The following SLC5A4 variants were observed in gnomAD, a reference collection of about 807,000 sequenced individuals.
The protein encoded by SLC5A4 is probable glucose sensor protein SLC5A4.
A neutral mutation model predicts 70.3 loss-of-function variants in SLC5A4; 55 were observed. The ratio of observed to expected loss-of-function variants is 0.78; its 90% CI spans 0.63 to 0.98. The LOEUF is 0.98. Among genes scored for constraint, SLC5A4 ranks in the 50% least tolerant of loss-of-function variants. The pLI, the probability that SLC5A4 is intolerant of heterozygous loss-of-function variation, is 0.00. For synonymous variants in SLC5A4, 268 were observed against 305.7 expected, an observed-to-expected ratio of 0.88 and a Z score of 1.29; for missense variants, 735 against 839.2, an observed-to-expected ratio of 0.88 and a Z score of 1.53.
the SLC5A4 span, among the ~76,000 whole-genome samples, chr22:32,312,780 G>T: frequency 6.6e-6 from 1 of 152,000 alleles, no homozygotes; most frequent in Admixed American, 6.6e-5. Context: ...GGGTATTTCA[G>T]ATCTCATCTC....
chr22:32,307,573 G>A, the SLC5A4 span, among the ~76,000 whole-genome samples: 1 of 152,298 alleles, frequency 6.6e-6, no homozygotes, highest in Admixed American at 6.5e-5. Context: ...GGGTTTTCTA[G>A]GAGGATCCTG....
chr22:32,273,015 C>A, the SLC5A4 span: 1 of 541,646 alleles, frequency 1.8e-6, no homozygotes. Context: ...TACCTGAGCA[C>A]CATGGAGCAG....
At chr22:32,279,974 G>A in the SLC5A4 span, among the ~76,000 whole-genome samples, 1 of 152,160 alleles carries the variant, frequency 6.6e-6, no homozygotes, top group African/African-American at 2.4e-5. Context: ...CATGCCCTGC[G>A]ACCAAGTGCC....
chr22:32,223,906 T>C (rs959407955), intron 13 of SLC5A4, among the ~76,000 whole-genome samples: 17 of 152,154 alleles, frequency 1.1e-4, no homozygotes, highest in African/African-American at 3.6e-4. Flanking sequence ...CATACATGCA[T>C]ACAATAAAAG....
the SLC5A4 span, among the ~76,000 whole-genome samples, chr22:32,283,008 C>T: frequency 1.3e-5 from 2 of 152,228 alleles, no homozygotes; most frequent in African/African-American, 4.8e-5. Flanking sequence ...TGCTCCTCTG[C>T]TCAAACCTTG....
At chr22:32,218,941 A>G (rs887421029) in intron 14 of SLC5A4, among the ~76,000 whole-genome samples, 1 of 152,220 alleles carries the variant, frequency 6.6e-6, no homozygotes, top group Non-Finnish European at 1.5e-5. Context: ...ACAAATGACA[A>G]AATGGGGGAA....
the SLC5A4 span, among the ~76,000 whole-genome samples, chr22:32,326,060 C>T: frequency 6.6e-6 from 1 of 152,338 alleles, no homozygotes; most frequent in African/African-American, 2.4e-5. Context: ...TAACAGAGCA[C>T]CTGGCAATTT....
At chr22:32,331,598 G>T in the SLC5A4 span, among the ~76,000 whole-genome samples, 2 of 152,152 alleles carry the variant, frequency 1.3e-5, no homozygotes, top group African/African-American at 2.4e-5. Context: ...GTGGGGTGGA[G>T]ATGACAAAGC....
the SLC5A4 span, among the ~76,000 whole-genome samples, chr22:32,330,795 G>A: frequency 4.4e-5 from 2 of 45,656 alleles, no homozygotes; most frequent in African/African-American, 8.8e-5. Context: ...GTGTGTGTTG[G>A]GGGCTCTGGT....
the SLC5A4 span, among the ~76,000 whole-genome samples, chr22:32,340,469 AGAG>A: frequency 1.3e-5 from 2 of 152,232 alleles, no homozygotes; most frequent in Non-Finnish European, 2.9e-5. Context: ...TCCATCCAGC[AGAG>A]GAGACAGGCA....
chr22:32,307,858 G>A, the SLC5A4 span, among the ~76,000 whole-genome samples: 3 of 152,172 alleles, frequency 2.0e-5, no homozygotes, highest in Non-Finnish European at 4.4e-5. Flanking sequence ...ATGCTGTGGG[G>A]ACCAGGCAGA....
chr22:32,238,492 C>G (rs1231194038), intron 6 of SLC5A4, among the ~76,000 whole-genome samples: 7 of 152,128 alleles, frequency 4.6e-5, no homozygotes, highest in African/African-American at 7.2e-5. Context: ...ATCAACATAC[C>G]TGGTTCATGA....
At chr22:32,319,729 G>A in the SLC5A4 span, among the ~76,000 whole-genome samples, 11 of 152,150 alleles carry the variant, frequency 7.2e-5, no homozygotes, top group Non-Finnish European at 1.2e-4. Context: ...CCTTTTTAGT[G>A]AGCCCTTGGC....
chr22:32,237,471 T>C (rs1926131429), intron 6 of SLC5A4, 147 bp from the exon 7 acceptor site: 4 of 583,572 alleles, frequency 6.9e-6, no homozygotes, highest in South Asian at 4.3e-5. Context: ...AAGCTTGTCC[T>C]GGCATCATGA....
the SLC5A4 span, among the ~76,000 whole-genome samples, chr22:32,290,162 G>A: frequency 2.6e-5 from 4 of 152,196 alleles, no homozygotes; most frequent in East Asian, 1.9e-4. Context: ...CACATGTGCC[G>A]TGGTGGTTTG....
At chr22:32,324,667 C>T in the SLC5A4 span, among the ~76,000 whole-genome samples, 4,586 of 152,296 alleles carry the variant, frequency 0.03, 73 homozygotes, top group African/African-American at 0.042. Flanking sequence ...GAGATGTCCA[C>T]GGCCTCAGTG....
chr22:32,251,742 G>T (rs371570985), intron 3 of SLC5A4, 28 bp downstream of exon 3: 2 of 1,349,738 alleles, frequency 1.5e-6, no homozygotes, highest in Non-Finnish European at 2.1e-6. Flanking sequence ...GTTTTGATTT[G>T]AAGGAAAAAG....
At chr22:32,272,011 C>G in the SLC5A4 span, 1 of 623,542 alleles carries the variant, frequency 1.6e-6, no homozygotes, top group Non-Finnish European at 3.0e-6. Flanking sequence ...CCCCAGGAGG[C>G]GGCCTTATCT....
chr22:32,254,095 A>G, intron 2 of SLC5A4, 47 bp downstream of exon 2: 1 of 1,455,180 alleles, frequency 6.9e-7, no homozygotes, highest in Non-Finnish European at 9.7e-7. Context: ...TTCAGTTTTA[A>G]GCACACACAC....
Sources: allele counts gnomAD v4.1 joint callset (sites outside exome capture counted in the v4.1 genomes callset), GRCh38; gene constraint gnomAD v4.1.1; transcripts MANE v1.5; gene names NCBI Gene and HGNC (gene_info 2026-07-23, HGNC 2026-07-21).